The following STAC variants were observed in gnomAD, a reference collection of about 807,000 sequenced individuals.
STAC encodes SH3 and cysteine-rich domain-containing protein.
Under a neutral mutation model 48.8 loss-of-function variants are expected in STAC, and 43 were observed. That is an observed-to-expected ratio of 0.88 (90% CI 0.69 to 1.14). The LOEUF (loss-of-function observed/expected upper bound fraction) is 1.14, where lower values mean the gene tolerates loss of function less well. Among genes scored for constraint, STAC ranks in the 50% most tolerant of loss-of-function variants. The pLI is 0.00. For missense variants in STAC, 497 were observed against 504.0 expected, an observed-to-expected ratio of 0.99 and a Z score of 0.13; for synonymous variants, 193 against 179.5, an observed-to-expected ratio of 1.07 and a Z score of -0.60.
chr3:36,466,057 T>A (rs1405052734), intron 2 of STAC, among the ~76,000 whole-genome samples: 1 of 152,206 alleles, frequency 6.6e-6, no homozygotes, highest in Non-Finnish European at 1.5e-5. Context: ...ATTTGATCCA[T>A]CTTAAGTTGA....
intron 10 of STAC, among the ~76,000 whole-genome samples, chr3:36,545,810 T>C (rs910182251): frequency 5.9e-5 from 9 of 152,184 alleles, no homozygotes; most frequent in African/African-American, 2.2e-4. Context: ...ATAGCTATTA[T>C]TTTGGTCCTT....
intron 2 of STAC, among the ~76,000 whole-genome samples, chr3:36,446,901 A>G (rs1696522284): frequency 6.6e-6 from 1 of 152,216 alleles, no homozygotes; most frequent in South Asian, 2.1e-4. Context: ...GTTGCTACAC[A>G]AAGAATCATT....
chr3:36,450,578 T>C (rs1023886479), intron 2 of STAC, among the ~76,000 whole-genome samples: 1 of 152,162 alleles, frequency 6.6e-6, no homozygotes. Flanking sequence ...CAGGCTGGAG[T>C]GCAGTGGCAC....
At chr3:36,483,551 C>A (rs1256880283) in intron 3 of STAC, among the ~76,000 whole-genome samples, 1 of 152,114 alleles carries the variant, frequency 6.6e-6, no homozygotes, top group Non-Finnish European at 1.5e-5. Context: ...AATATCTGCA[C>A]CACTTTAACA....
At chr3:36,523,883 G>T (rs940431511) in intron 8 of STAC, among the ~76,000 whole-genome samples, 9 of 152,148 alleles carry the variant, frequency 5.9e-5, no homozygotes, top group Admixed American at 2.0e-4. Context: ...CCAACACCAT[G>T]GCAAGAGAAG....
At chr3:36,501,152 T>G (rs1698273965) in intron 6 of STAC, among the ~76,000 whole-genome samples, 1 of 152,162 alleles carries the variant, frequency 6.6e-6, no homozygotes, top group African/African-American at 2.4e-5. Flanking sequence ...CTGGAATATA[T>G]TTAAAGCTAA....
intron 1 of STAC, among the ~76,000 whole-genome samples, chr3:36,398,419 GGAAGGAAGGAA>G (rs1699916520): frequency 4.7e-4 from 1 of 2,110 alleles, no homozygotes; most frequent in East Asian, 0.011. Flanking sequence ...AGAGAGGGAA[GGAAGGAAGGAA>G]GGAAGGAAGG....
intron 2 of STAC, among the ~76,000 whole-genome samples, chr3:36,448,072 G>A (rs963711558): frequency 2.0e-5 from 3 of 152,162 alleles, no homozygotes; most frequent in East Asian, 1.9e-4. Flanking sequence ...GCAGTGTAAT[G>A]TCTGGTCCAA....
At chr3:36,483,717 C>T (rs1697719660) in intron 3 of STAC, among the ~76,000 whole-genome samples, 1 of 152,130 alleles carries the variant, frequency 6.6e-6, no homozygotes, top group Admixed American at 6.5e-5. Flanking sequence ...CTTTGGACAC[C>T]AAGGTGGGTT....
chr3:36,471,505 A>C (rs1697332652), intron 2 of STAC, among the ~76,000 whole-genome samples: 1 of 152,224 alleles, frequency 6.6e-6, no homozygotes, highest in Non-Finnish European at 1.5e-5. Flanking sequence ...CACAGTTCAA[A>C]GTCTCATCTG....
At chr3:36,410,247 C>T (rs1326868436) in intron 1 of STAC, among the ~76,000 whole-genome samples, 3 of 152,104 alleles carry the variant, frequency 2.0e-5, no homozygotes, top group South Asian at 4.1e-4. Context: ...AGTGTGTGTT[C>T]GCCTGCTCAT....
At chr3:36,419,950 T>G (rs1700410205) in intron 1 of STAC, among the ~76,000 whole-genome samples, 1 of 152,232 alleles carries the variant, frequency 6.6e-6, no homozygotes, top group Admixed American at 6.5e-5. Context: ...TTATTTTCTA[T>G]TTCTGGAGAT....
At chr3:36,478,909 A>G (rs893017209) in intron 2 of STAC, among the ~76,000 whole-genome samples, 10 of 152,166 alleles carry the variant, frequency 6.6e-5, no homozygotes, top group African/African-American at 2.4e-4. Flanking sequence ...GATTATACAC[A>G]TGAACCACTG....
intron 1 of STAC, among the ~76,000 whole-genome samples, chr3:36,433,105 G>C (rs1468547878): frequency 6.6e-6 from 1 of 152,194 alleles, no homozygotes; most frequent in African/African-American, 2.4e-5. Context: ...GGTCACGTAG[G>C]AGGGACCATC....
chr3:36,425,508 C>G (rs1700542784), intron 1 of STAC, among the ~76,000 whole-genome samples: 1 of 151,970 alleles, frequency 6.6e-6, no homozygotes, highest in African/African-American at 2.4e-5. Context: ...GATCCTGGAC[C>G]AGAAAAGGAT....
At chr3:36,514,204 C>CTTT (rs765548085) in intron 8 of STAC, among the ~76,000 whole-genome samples, 5,213 of 36,540 alleles carry the variant, frequency 0.14, 1,096 homozygotes, top group East Asian at 0.24. Flanking sequence ...CACTGGCCTT[C>CTTT]TTTTTTTTTT....
chr3:36,533,493 T>G (rs1424122523), intron 10 of STAC, among the ~76,000 whole-genome samples: 1 of 150,048 alleles, frequency 6.7e-6, no homozygotes, highest in African/African-American at 2.5e-5. Context: ...TTTTTTTTTT[T>G]TTTTTTTTTC....
At chr3:36,456,012 A>G (rs1442995627) in intron 2 of STAC, among the ~76,000 whole-genome samples, 1 of 152,084 alleles carries the variant, frequency 6.6e-6, no homozygotes, top group Admixed American at 6.6e-5. Flanking sequence ...AAATAAACAT[A>G]GGAAGGCCCA....
At chr3:36,533,836 G>A (rs879425465) in intron 10 of STAC, among the ~76,000 whole-genome samples, 3 of 152,080 alleles carry the variant, frequency 2.0e-5, no homozygotes, top group Admixed American at 6.6e-5. Context: ...GGAACCAAAT[G>A]AGTCTGCTCA....
Sources: allele counts gnomAD v4.1 joint callset (sites outside exome capture counted in the v4.1 genomes callset), GRCh38; gene constraint gnomAD v4.1.1; transcripts MANE v1.5; gene names NCBI Gene and HGNC (gene_info 2026-07-23, HGNC 2026-07-21).